The following ZNF880 variants were observed in gnomAD, a reference collection of about 807,000 sequenced individuals.
ZNF880 encodes zinc finger protein 880.
Under a neutral mutation model 11.8 loss-of-function variants are expected in ZNF880, and 12 were observed. The ratio of observed to expected loss-of-function variants is 1.02; its 90% CI spans 0.65 to 1.65. The LOEUF (loss-of-function observed/expected upper bound fraction) is 1.65. Ranked by LOEUF, ZNF880 falls within the 40% of genes most tolerant of loss-of-function variation. ZNF880 has a pLI of 0.00. For synonymous variants in ZNF880, 210 were observed against 232.4 expected, an observed-to-expected ratio of 0.90 and a Z score of 0.88; for missense variants, 601 against 673.9, an observed-to-expected ratio of 0.89 and a Z score of 1.20.
At chr19:52,393,920 T>C in the ZNF880 span, among the ~76,000 whole-genome samples, 42 of 140,330 alleles carry the variant, frequency 3.0e-4, 1 homozygote, top group South Asian at 4.7e-3. Flanking sequence ...CACTGCAAGC[T>C]CCGCCTCCTG....
Position 52,384,039 on chromosome 19 carries a change from C to T in ZNF880, c.459C>T (p.Val153=). Residue 153 remains valine, a synonymous_variant, in exon 4 of 4, where the codon GTC becomes GTT. Coordinates refer to ENST00000422689, the MANE Select transcript of ZNF880 (RefSeq NM_001145434.2). The part of the protein sequence containing the change: ...VSPLQKIYSS[V]KSHILNKYRN... The stretch of plus-strand genomic sequence containing the variant: ...CACTTCAAAAAATTTATTCTAGTGT[C>T]AAATCCCACATTTTAAATAAATACA... 6.4e-7 allele frequency: 1 copy of T among 1,557,786 alleles called. No homozygotes were observed. Among genetic ancestry groups the T allele is most frequent in the Non-Finnish European group, 8.7e-7 (1 of 1,150,496 alleles).
intron 3 of ZNF880, among the ~76,000 whole-genome samples, chr19:52,382,722 C>A (rs1986740052): frequency 6.6e-6 from 1 of 152,080 alleles, no homozygotes; most frequent in African/African-American, 2.4e-5. Context: ...TTGTCTTTGA[C>A]TTTTGATAAT....
At chr19:52,386,171 C>CAAAA (rs10674709), downstream of ZNF880, among the ~76,000 whole-genome samples, 45 of 77,304 alleles carry the variant, frequency 5.8e-4, 3 homozygotes, top group African/African-American at 2.0e-3. Context: ...GACTCTGTCT[C>CAAAA]AAAAAAAAAA....
chr19:52,370,103 A>ATTGGGT (rs1986319045), intron 1 of ZNF880, 126 bp downstream of exon 1: 9 of 1,270,130 alleles, frequency 7.1e-6, no homozygotes, highest in Admixed American at 6.0e-5. Context: ...GACTAAACTC[A>ATTGGGT]GACGTTCTAA....
the ZNF880 span, chr19:52,391,656 A>T: frequency 2.0e-5 from 3 of 152,208 alleles, no homozygotes; most frequent in Admixed American, 6.5e-5. Flanking sequence ...TAAACATCAC[A>T]TTTGTTTAAA....
upstream of ZNF880, among the ~76,000 whole-genome samples, chr19:52,369,695 C>G (rs1037586218): frequency 6.6e-6 from 1 of 152,034 alleles, no homozygotes; most frequent in South Asian, 2.1e-4. Context: ...AGCGCCCCTA[C>G]AGCCGATTTA....
chr19:52,381,378 AT>A (rs1426177737), intron 3 of ZNF880, among the ~76,000 whole-genome samples: 2 of 152,126 alleles, frequency 1.3e-5, no homozygotes, highest in Non-Finnish European at 2.9e-5. Flanking sequence ...ATAAAAGTCT[AT>A]TCTCTCATAT....
intron 1 of ZNF880, among the ~76,000 whole-genome samples, chr19:52,371,646 G>A (rs1986375419): frequency 6.6e-6 from 1 of 152,116 alleles, no homozygotes; most frequent in Non-Finnish European, 1.5e-5. Context: ...AAAGTGCTGG[G>A]ATTGCAGGCA....
At chr19:52,393,162 T>C in the ZNF880 span, among the ~76,000 whole-genome samples, 1 of 151,282 alleles carries the variant, frequency 6.6e-6, no homozygotes, top group Non-Finnish European at 1.5e-5. Context: ...AACCTCTGCC[T>C]CCCAGGTTTA....
Position 52,385,742 on chromosome 19 carries a change from G to T in ZNF880, c.*428G>T. ...CGAAGGTCCAAGGGCATGTGGAAAT[G>T]GTCAGTTATATTCAGGCAATTAAAA... On this transcript the variant is annotated 3_prime_UTR_variant, in exon 4 of 4. Transcript: ENST00000422689. 6.3e-6 allele frequency: 1 copy of T among 158,142 alleles called. No homozygotes were observed. Among genetic ancestry groups the T allele is most frequent in the South Asian group, 1.7e-4 (1 of 5,956 alleles). 9.8% of individuals were successfully genotyped at this position (158,142 alleles called of 1,614,324 possible).
chr19:52,392,798 C>A, the ZNF880 span: 1 of 220,788 alleles, frequency 4.5e-6, no homozygotes. Context: ...GGTAAGAGCT[C>A]AGATGGGCAG....
At position 52,384,170 on chromosome 19, in the gene ZNF880, C is replaced by T. The variant is rs755323427; in HGVS notation, c.590C>T (p.Ser197Leu). 2 of 1,609,194 alleles carry T rather than the reference C, an allele frequency of 1.2e-6. No individual in the cohort carries two copies. The highest frequency in any genetic ancestry group is 1.1e-5 in the South Asian group (1 of 90,574). ...CATGGCAAAGCCTTTAGAGTGTCTT[C>T]AAGACTTGCTAACAATCAAGTAATC... is the stretch of plus-strand genomic sequence containing the variant. Reference protein sequence around the residue: ...NEHGKAFRVSSRLANNQVIHT... With the variant: ...NEHGKAFRVSLRLANNQVIHT... The change falls in exon 4 of 4, where the codon TCA becomes TTA. Residue 197 changes from serine to leucine, a missense_variant. Ser to Leu is a moderately radical substitution (Grantham distance 145, BLOSUM62 -2). Transcript: ENST00000422689.
Position 52,385,238 on chromosome 19 carries a change from GT to G in ZNF880, c.1659del (p.Cys553TrpfsTer44). ...TGEKPYRCHECGKDFTRNSNL... is the reference protein window; with the variant it reads ...TGEKPYRCHEXGKDFTRNSNL... ...GAGAAACCGTACAGATGTCATGAAT[GT>G]GGTAAGGACTTCACTCGAAATTCAA... is the stretch of plus-strand genomic sequence containing the variant. On this transcript the variant is annotated frameshift_variant, in exon 4 of 4. Coordinates refer to ENST00000422689, the MANE Select transcript of ZNF880 (RefSeq NM_001145434.2). LOFTEE classifies it low-confidence loss of function (END_TRUNC). 1.3e-6 allele frequency: 2 copies of G among 1,551,978 alleles called. No individual in the cohort carries two copies. The highest frequency in any genetic ancestry group is 1.7e-6 in the Non-Finnish European group (2 of 1,147,168).
chr19:52,369,261 CT>C (rs1568658618), upstream of ZNF880, among the ~76,000 whole-genome samples: 1 of 149,032 alleles, frequency 6.7e-6, no homozygotes, highest in East Asian at 2.0e-4. Flanking sequence ...ACTCGGGAGA[CT>C]GAGGCAGGAG....
rs2122413449 is a variant in ZNF880 at position 52,384,488 on chromosome 19, A to G, written c.908A>G (p.Lys303Arg). 2 of 1,614,182 alleles carry G rather than the reference A, an allele frequency of 1.2e-6. No individual in the cohort carries two copies. The highest frequency in any genetic ancestry group is 2.2e-5 in the East Asian group (1 of 44,886). ...CCTTACAAATGTAATGAGTGTGGCA[A>G]GGTCTTCAACAGAAATGCACACCTT... Reference protein sequence around the residue: ...EKPYKCNECGKVFNRNAHLAR... With the variant: ...EKPYKCNECGRVFNRNAHLAR... Residue 303 changes from lysine to arginine, a missense_variant, in exon 4 of 4, where the codon AAG (lysine) becomes AGG (arginine). Physicochemically the swap from Lys to Arg is conservative, Grantham distance 26. Transcript: ENST00000422689.
chr19:52,391,932 C>A, the ZNF880 span, among the ~76,000 whole-genome samples: 1 of 152,124 alleles, frequency 6.6e-6, no homozygotes, highest in Non-Finnish European at 1.5e-5. Context: ...GCCTCATCTC[C>A]GGTCATCAAA....
the ZNF880 span, chr19:52,392,835 T>A: frequency 6.8e-5 from 12 of 175,494 alleles, no homozygotes; most frequent in Admixed American, 6.2e-5. Flanking sequence ...ATATATATAT[T>A]TTTTGAGAGA....
Position 52,384,154 on chromosome 19 carries a change from G to C in ZNF880, c.574G>C (p.Ala192Pro), listed in dbSNP as rs1424819324. 6.2e-7 allele frequency: 1 copy of C among 1,607,098 alleles called. No homozygotes were observed. The highest frequency in any genetic ancestry group is 8.5e-7 in the Non-Finnish European group (1 of 1,176,472). ...KPCECNEHGK[A>P]FRVSSRLANN... ...GTGTGAATGTAATGAGCATGGCAAA[G>C]CCTTTAGAGTGTCTTCAAGACTTGC... is the stretch of plus-strand genomic sequence containing the variant. The change falls in exon 4 of 4, where the codon GCC (alanine) becomes CCC (proline). Residue 192 changes from alanine to proline, a missense_variant. By Grantham distance (27) the Ala-to-Pro change is conservative. This residue lies in a region of ZNF880 where 420 missense variants were observed against 442.6 expected (regional missense o/e 0.95). Transcript: ENST00000422689.
chr19:52,394,399 T>C, the ZNF880 span, among the ~76,000 whole-genome samples: 1 of 151,776 alleles, frequency 6.6e-6, no homozygotes, highest in Non-Finnish European at 1.5e-5. Flanking sequence ...CCATGGCCTG[T>C]TAAATTTTTG....
Sources: gnomAD v4.1 joint callset for allele counts (sites outside exome capture counted in the v4.1 genomes callset) on GRCh38, gnomAD v4.1.1 for gene constraint, gnomAD v4.1.1 regional missense constraint, MANE v1.5 for transcripts, NCBI Gene and HGNC (gene_info 2026-07-23, HGNC 2026-07-21) for gene names.